TBC1D9: variants seen among roughly 807,000 people sequenced by gnomAD.
The protein encoded by TBC1D9 is TBC1 domain family member 9.
In TBC1D9, 63 loss-of-function variants were observed where a neutral mutation model predicts 132.0. That is an observed-to-expected ratio of 0.48 (90% CI 0.39 to 0.59). The LOEUF (loss-of-function observed/expected upper bound fraction) is 0.59. Ranked by LOEUF, TBC1D9 falls within the 20% of genes least tolerant of loss-of-function variation. TBC1D9 has a pLI of 0.00. For missense variants in TBC1D9, 1,261 were observed against 1,592.7 expected (o/e 0.79, Z 3.54); for synonymous variants, 610 against 609.9 (o/e 1.00, Z 0.00).
intron 1 of TBC1D9, among the ~76,000 whole-genome samples, chr4:140,752,112 C>T (rs1738935298): frequency 6.6e-6 from 1 of 152,066 alleles, no homozygotes; most frequent in Non-Finnish European, 1.5e-5. Flanking sequence ...AAGAAACATG[C>T]CCCAAAATGA....
At chr4:140,705,199 A>T (rs557671108) in intron 1 of TBC1D9, among the ~76,000 whole-genome samples, 1 of 152,148 alleles carries the variant, frequency 6.6e-6, no homozygotes, top group Non-Finnish European at 1.5e-5. Flanking sequence ...AACACTGATC[A>T]CTCAAAATGT....
At chr4:140,755,783 G>T (rs1345809979) in intron 1 of TBC1D9, 133 bp downstream of exon 1, 1 of 1,315,958 alleles carries the variant, frequency 7.6e-7, no homozygotes, top group Middle Eastern at 2.8e-4. Flanking sequence ...TCGATGCCTC[G>T]CATACAACGA....
At chr4:140,730,032 G>A (rs779540377) in intron 1 of TBC1D9, among the ~76,000 whole-genome samples, 1 of 152,014 alleles carries the variant, frequency 6.6e-6, no homozygotes, top group Non-Finnish European at 1.5e-5. Context: ...CAGGGTTTAT[G>A]CCTTCCCCCG....
At chr4:140,754,614 CAAAAA>C (rs34471976) in intron 1 of TBC1D9, among the ~76,000 whole-genome samples, 1 of 23,260 alleles carries the variant, frequency 4.3e-5, no homozygotes, top group Non-Finnish European at 7.2e-5. Context: ...GACTCTGTCT[CAAAAA>C]AAAAAAAAAA....
At chr4:140,657,027 C>T in intron 13 of TBC1D9, 70 bp downstream of exon 13, 1 of 1,559,772 alleles carries the variant, frequency 6.4e-7, no homozygotes, top group Non-Finnish European at 8.7e-7. Flanking sequence ...GTTATAGCAG[C>T]ACAAAACAGG....
intron 2 of TBC1D9, 145 bp from the exon 3 acceptor site, chr4:140,686,607 A>G (rs916335831): frequency 1.7e-6 from 1 of 583,436 alleles, no homozygotes; most frequent in Non-Finnish European, 3.0e-6. Context: ...TCTCCTCCAG[A>G]GGAGACACAC....
chr4:140,689,454 CCCCCTT>C (rs1325797307), intron 2 of TBC1D9, among the ~76,000 whole-genome samples: 4 of 52,954 alleles, frequency 7.6e-5, no homozygotes, highest in African/African-American at 2.4e-4. Context: ...CCTTCCCTTC[CCCCCTT>C]CCCTTCCCTT....
At chr4:140,665,786 C>T (rs948131256) in intron 9 of TBC1D9, among the ~76,000 whole-genome samples, 2 of 152,138 alleles carry the variant, frequency 1.3e-5, no homozygotes, top group African/African-American at 4.8e-5. Flanking sequence ...AAGCAATCCT[C>T]CCATCTCAGA....
intron 1 of TBC1D9, among the ~76,000 whole-genome samples, chr4:140,722,758 T>C (rs1313651880): frequency 2.0e-5 from 3 of 152,226 alleles, no homozygotes; most frequent in Non-Finnish European, 4.4e-5. Flanking sequence ...TAAATTTTAC[T>C]AGGAAAAGAC....
chr4:140,679,495 A>G, intron 4 of TBC1D9, 120 bp downstream of exon 4: 1 of 768,150 alleles, frequency 1.3e-6, no homozygotes, highest in Non-Finnish European at 2.1e-6. Context: ...GTAAAAAAAA[A>G]TTAGTATTGA....
In TBC1D9 at chr4:140,662,034, A is replaced by T. The variant is rs1737369305; in HGVS notation, c.1662T>A (p.Asn554Lys). 1 of 1,613,954 alleles carries T rather than the reference A, an allele frequency of 6.2e-7. No individual in the cohort carries two copies. Among genetic ancestry groups the T allele is most frequent in the Non-Finnish European group, 8.5e-7 (1 of 1,179,870 alleles). ...CCCTCTCAATCTCCTCCGTGGCGAG[A>T]TTATACTTCCCCATGGACTTCTCCA... ...DLVEKSMGKYNLATEEIERDL... is the reference protein window; with the variant it reads ...DLVEKSMGKYKLATEEIERDL... The change falls in exon 10 of 21, where the codon AAT (asparagine) becomes AAA (lysine). Residue 554 changes from asparagine to lysine, a missense_variant. Physicochemically the swap from Asn to Lys is moderately conservative, Grantham distance 94. This residue lies in a region of TBC1D9 where 550 missense variants were observed against 699.0 expected (regional missense o/e 0.79). Transcript: ENST00000442267.
intron 1 of TBC1D9, among the ~76,000 whole-genome samples, chr4:140,729,794 T>C (rs1404709385): frequency 1.7e-5 from 2 of 114,560 alleles, no homozygotes; most frequent in Non-Finnish European, 3.2e-5. Flanking sequence ...CACTCCAGCC[T>C]GGTGACAGAG....
At chr4:140,643,952 C>A in intron 13 of TBC1D9, 1 of 624,420 alleles carries the variant, frequency 1.6e-6, no homozygotes, top group East Asian at 3.3e-5. Context: ...CCACCTCCAC[C>A]TTCGCCTCCT....
Position 140,712,002 on chromosome 4 carries a change from A to G in TBC1D9, c.131-10388T>C, listed in dbSNP as rs866772133. Reference sequence around the variant, plus strand: ...AACAAAAAATATATAATTACCTCCAACCTTTTATTTTGGGCTTTTTTTACT... The same window carrying G: ...AACAAAAAATATATAATTACCTCCAGCCTTTTATTTTGGGCTTTTTTTACT... On this transcript the variant is annotated intron_variant, in intron 1 of 20. Transcript: ENST00000442267. 1.7e-4 allele frequency among the ~76,000 whole-genome samples: 26 copies of G among 152,158 alleles called. 1 individual carries two copies. The Middle Eastern group carries it at 0.027, about 159-fold the overall frequency.
Position 140,634,144 on chromosome 4 carries a change from C to T in TBC1D9, c.2550G>A (p.Ala850=), listed in dbSNP as rs372656894. The T allele has an allele frequency of 4.2e-5, 68 of 1,613,712 alleles. No individual in the cohort carries two copies. Among genetic ancestry groups the T allele is most frequent in the East Asian group, 6.7e-5 (3 of 44,898 alleles). ...GCAGGCTGGGGTCATGCCGGTCCAG[C>T]GCGTTGCTGCTCCCGCCCCAGTAGC... The part of the protein sequence containing the change: ...TSCYWGGSSN[A]LDRHDPSLPY... The change falls in exon 16 of 21, where the codon GCG becomes GCA. Residue 850 remains alanine (A), a synonymous_variant. Transcript: ENST00000442267.
At chr4:140,692,895 C>T (rs1737898471) in intron 2 of TBC1D9, among the ~76,000 whole-genome samples, 1 of 151,944 alleles carries the variant, frequency 6.6e-6, no homozygotes, top group South Asian at 2.1e-4. Flanking sequence ...TGGTGTGTGC[C>T]TGTAGTCCCA....
At chr4:140,624,458 G>T in intron 18 of TBC1D9, 70 bp from the exon 19 acceptor site, 1 of 1,394,302 alleles carries the variant, frequency 7.2e-7, no homozygotes, top group Non-Finnish European at 9.9e-7. Flanking sequence ...AGCATTTGTA[G>T]TGGAAAATAG....
chr4:140,711,509 CCTT>C (rs1362866071), intron 1 of TBC1D9, among the ~76,000 whole-genome samples: 1 of 152,196 alleles, frequency 6.6e-6, no homozygotes, highest in Admixed American at 6.5e-5. Flanking sequence ...AGATGTCAAC[CCTT>C]CTTCTAATTC....
intron 2 of TBC1D9, among the ~76,000 whole-genome samples, chr4:140,698,555 C>G (rs1376635963): frequency 6.6e-6 from 1 of 152,140 alleles, no homozygotes; most frequent in East Asian, 1.9e-4. Context: ...CGAGACCAGC[C>G]TGACCAACAT....
Sources: allele counts gnomAD v4.1 joint callset (sites outside exome capture counted in the v4.1 genomes callset), GRCh38; gene constraint gnomAD v4.1.1; regional missense constraint gnomAD v4.1.1; transcripts MANE v1.5; gene names NCBI Gene and HGNC (gene_info 2026-07-23, HGNC 2026-07-21).